NRG3: variants seen among roughly 807,000 people sequenced by gnomAD.
The protein encoded by NRG3 is neuregulin 3, also known as pro-neuregulin-3, membrane-bound isoform.
NRG3 carries 31 observed loss-of-function variants against 66.9 expected under a neutral mutation model. The observed-to-expected ratio is 0.46, with a 90% CI of 0.35 to 0.63. The LOEUF (loss-of-function observed/expected upper bound fraction) is 0.63, where lower values mean the gene tolerates loss of function less well. Ranked by LOEUF, NRG3 falls within the 20% of genes least tolerant of loss-of-function variation. The pLI, the probability that NRG3 is intolerant of heterozygous loss-of-function variation, is 0.00. For missense variants in NRG3, 910 were observed against 878.9 expected (o/e 1.04, Z -0.45); for synonymous variants, 393 against 359.4 (o/e 1.09, Z -1.06).
chr10:81,911,603 GTTTTTTTTTTT>G (rs796518872), intron 1 of NRG3, among the ~76,000 whole-genome samples: 14 of 77,962 alleles, frequency 1.8e-4, no homozygotes, highest in South Asian at 5.5e-4. Flanking sequence ...GCACAGACTT[GTTTTTTTTTTT>G]TTTTTTTTTT....
chr10:81,913,558 G>T (rs8181327), intron 1 of NRG3, among the ~76,000 whole-genome samples: 64,686 of 151,736 alleles, frequency 0.43, 16,609 homozygotes, highest in East Asian at 0.81. Context: ...CAAGTAGCTG[G>T]GATTACAAGC....
intron 1 of NRG3, among the ~76,000 whole-genome samples, chr10:82,024,142 G>T (rs571384187): frequency 1.3e-5 from 2 of 151,696 alleles, no homozygotes; most frequent in African/African-American, 2.4e-5. Context: ...TTGGCTTATG[G>T]TTGTTCAGAA....
intron 2 of NRG3, among the ~76,000 whole-genome samples, chr10:82,506,190 G>A (rs1844657670): frequency 6.6e-6 from 1 of 152,210 alleles, no homozygotes; most frequent in African/African-American, 2.4e-5. Context: ...AGAGGTTGCA[G>A]TGAGTCGAGA....
intron 3 of NRG3, among the ~76,000 whole-genome samples, chr10:82,778,774 C>G (rs1387801598): frequency 1.3e-5 from 2 of 152,052 alleles, no homozygotes; most frequent in African/African-American, 4.8e-5. Context: ...GGTTACACTG[C>G]TCTGTGGGGT....
At chr10:81,908,188 C>T (rs11191758) in intron 1 of NRG3, among the ~76,000 whole-genome samples, 67,724 of 151,998 alleles carry the variant, frequency 0.45, 18,583 homozygotes, top group East Asian at 0.81. Flanking sequence ...ATTATTGATA[C>T]ACATCTTAGC....
intron 2 of NRG3, among the ~76,000 whole-genome samples, chr10:82,431,084 G>A (rs2089776917): frequency 6.6e-6 from 1 of 152,002 alleles, no homozygotes; most frequent in African/African-American, 2.4e-5. Context: ...CCTCTTATTT[G>A]CTTCAACTGG....
At chr10:82,953,000 C>T (rs1177168073) in intron 5 of NRG3, among the ~76,000 whole-genome samples, 2 of 151,920 alleles carry the variant, frequency 1.3e-5, no homozygotes, top group African/African-American at 4.9e-5. Flanking sequence ...ACATTTGTCA[C>T]AATTAATGGA....
At position 82,860,976 on chromosome 10, in the gene NRG3, T is replaced by C. The variant is rs150326400; in HGVS notation, c.1028-4435T>C. Reference sequence around the variant, plus strand: ...TGAAGGGTTATGAGAAATAGTGCGATTTATGATCTGTGTATGACTCAAATG... The same window carrying C: ...TGAAGGGTTATGAGAAATAGTGCGACTTATGATCTGTGTATGACTCAAATG... On this transcript the variant is annotated intron_variant, in intron 3 of 8. Transcript: ENST00000372141. Among the ~76,000 whole-genome samples the C allele has an allele frequency of 3.6e-3, 545 of 152,308 alleles. 1 individual carries two copies. Among genetic ancestry groups the C allele is most frequent in the Non-Finnish European group, 6.2e-3 (425 of 68,014 alleles).
At chr10:82,451,645 G>A (rs111902145) in intron 2 of NRG3, among the ~76,000 whole-genome samples, 28 of 152,048 alleles carry the variant, frequency 1.8e-4, no homozygotes, top group Middle Eastern at 3.2e-3. Flanking sequence ...CAATAACAGC[G>A]ACTGAAAAAT....
At chr10:81,988,172 A>C (rs540238800) in intron 1 of NRG3, among the ~76,000 whole-genome samples, 89 of 152,338 alleles carry the variant, frequency 5.8e-4, no homozygotes, top group African/African-American at 2.1e-3. Context: ...AATGCTCTGA[A>C]ATAACTATTG....
chr10:82,327,083 G>C (rs764540979), intron 1 of NRG3, among the ~76,000 whole-genome samples: 4 of 152,126 alleles, frequency 2.6e-5, no homozygotes, highest in African/African-American at 7.2e-5. Flanking sequence ...ATGACCCTGG[G>C]CTGAGGGAAT....
chr10:82,228,606 G>A (rs1325448452), intron 1 of NRG3, among the ~76,000 whole-genome samples: 1 of 152,034 alleles, frequency 6.6e-6, no homozygotes, highest in African/African-American at 2.4e-5. Context: ...AAATTAATTT[G>A]TAGATATGAA....
At chr10:82,909,208 G>A (rs949168198) in intron 4 of NRG3, among the ~76,000 whole-genome samples, 1 of 152,124 alleles carries the variant, frequency 6.6e-6, no homozygotes, top group Non-Finnish European at 1.5e-5. Context: ...ATGCAAACAG[G>A]TTTTCATTTT....
chr10:82,983,434 T>C (rs1853129793), intron 8 of NRG3, among the ~76,000 whole-genome samples: 1 of 152,190 alleles, frequency 6.6e-6, no homozygotes, highest in South Asian at 2.1e-4. Flanking sequence ...TATGTAGCTG[T>C]GCAGTTTGTA....
At chr10:82,352,357 GA>G in intron 1 of NRG3, among the ~76,000 whole-genome samples, 1 of 145,630 alleles carries the variant, frequency 6.9e-6, no homozygotes, top group Non-Finnish European at 1.5e-5. Flanking sequence ...ATTTTTGTTA[GA>G]CTTTGATAAA....
At chr10:82,879,868 A>G (rs758067433) in intron 4 of NRG3, among the ~76,000 whole-genome samples, 14 of 151,940 alleles carry the variant, frequency 9.2e-5, no homozygotes, top group Non-Finnish European at 1.8e-4. Context: ...CAGGATTGGA[A>G]CACAGCTTAG....
chr10:82,415,928 A>G (rs2088530062), intron 2 of NRG3, among the ~76,000 whole-genome samples: 1 of 152,182 alleles, frequency 6.6e-6, no homozygotes, highest in South Asian at 2.1e-4. Flanking sequence ...TTTTTGGCAT[A>G]CACAGTTGTG....
Position 82,074,371 on chromosome 10 carries a change from G to C in NRG3, c.823+198208G>C, listed in dbSNP as rs184643420. Among the ~76,000 whole-genome samples, 275 of 152,276 alleles carry C rather than the reference G, an allele frequency of 1.8e-3. 1 individual carries two copies. The highest frequency in any genetic ancestry group is 2.4e-3 in the Non-Finnish European group (165 of 68,024). ...GAGAGGAAGGTGGGATAGTAGAAAC[G>C]TTGGATTTTACTCTAAGAATGATCA... is the stretch of plus-strand genomic sequence containing the variant. On this transcript the variant is annotated intron_variant, in intron 1 of 8. Transcript: ENST00000372141.
At chr10:82,775,384 ATGT>A (rs1475184553) in intron 3 of NRG3, among the ~76,000 whole-genome samples, 4 of 151,998 alleles carry the variant, frequency 2.6e-5, no homozygotes, top group Non-Finnish European at 5.9e-5. Context: ...GTTCATGAGC[ATGT>A]TGTTTAAATT....
Sources: gnomAD v4.1 joint callset for allele counts (sites outside exome capture counted in the v4.1 genomes callset) on GRCh38, gnomAD v4.1.1 for gene constraint, MANE v1.5 for transcripts, NCBI Gene and HGNC (gene_info 2026-07-23, HGNC 2026-07-21) for gene names.